The following ITGA11 variants were observed in gnomAD, a reference collection of about 807,000 sequenced individuals.
The protein encoded by ITGA11 is integrin subunit alpha 11.
A neutral mutation model predicts 141.9 loss-of-function variants in ITGA11; 97 were observed. The ratio of observed to expected loss-of-function variants is 0.68; its 90% CI spans 0.58 to 0.81. The LOEUF is 0.81. Ranked by LOEUF, ITGA11 falls within the 30% of genes least tolerant of loss-of-function variation. ITGA11 has a pLI of 0.00. For synonymous variants in ITGA11, 658 were observed against 624.6 expected (o/e 1.05, Z -0.80); for missense variants, 1,387 against 1,559.2 (o/e 0.89, Z 1.86).
intron 10 of ITGA11, among the ~76,000 whole-genome samples, chr15:68,347,985 C>T (rs1314474395): frequency 6.6e-6 from 1 of 152,182 alleles, no homozygotes; most frequent in Non-Finnish European, 1.5e-5. Flanking sequence ...CTGTGCAAAG[C>T]ACACCCACAG....
At chr15:68,380,590 T>G (rs1487507711) in intron 2 of ITGA11, among the ~76,000 whole-genome samples, 2 of 152,166 alleles carry the variant, frequency 1.3e-5, no homozygotes, top group African/African-American at 4.8e-5. Flanking sequence ...CTCTGCTGTC[T>G]GGGGAGCCTT....
Position 68,320,230 on chromosome 15 carries a change from A to G in ITGA11, c.2571T>C (p.Asn857=). 6.2e-7 allele frequency: 1 copy of G among 1,614,036 alleles called. No individual in the cohort carries two copies. The highest frequency in any genetic ancestry group is 8.5e-7 in the Non-Finnish European group (1 of 1,179,908). ...RGENAYSTVL[N]ISQSANLQFA... is the part of the protein sequence containing the mutation. ...ACTGCAGGTTTGCTGACTGCGAGAT[A>G]TTTAGGACCGTGCTGTAGGCGTTCT... The change falls in exon 20 of 30, where the codon AAT becomes AAC. Residue 857 remains asparagine, a synonymous_variant. Transcript: ENST00000315757.
At chr15:68,419,620 G>A (rs1422660849) in intron 1 of ITGA11, among the ~76,000 whole-genome samples, 2 of 152,242 alleles carry the variant, frequency 1.3e-5, no homozygotes, top group African/African-American at 4.8e-5. Flanking sequence ...TCAGGATTGA[G>A]GTTCTGGCTC....
At chr15:68,364,642 G>A (rs1895357299) in intron 4 of ITGA11, 65 bp downstream of exon 4, 3 of 956,108 alleles carry the variant, frequency 3.1e-6, no homozygotes, top group African/African-American at 1.6e-5. Flanking sequence ...GTAAGGAGAC[G>A]CTCCACCCCT....
Position 68,351,259 on chromosome 15 carries a change from G to A in ITGA11, c.893C>T (p.Ala298Val), listed in dbSNP as rs779587474. The change falls in exon 8 of 30, where the codon GCC (alanine) becomes GTC (valine). Residue 298 changes from alanine to valine, a missense_variant and splice_region_variant. Physicochemically the swap from Ala to Val is moderately conservative, Grantham distance 64. Transcript: ENST00000315757. The stretch of plus-strand genomic sequence containing the variant: ...GCCCTTGGGCGGGCCAGGACTTACG[G>A]CCACCGCATATCTTGTTACGTTGTC... ...ERDNVTRYAV[A>V]VLGYYNRRGI... 1.2e-6 allele frequency: 2 copies of A among 1,613,742 alleles called. No individual in the cohort carries two copies. Among genetic ancestry groups the A allele is most frequent in the Non-Finnish European group, 8.5e-7 (1 of 1,179,856 alleles).
In ITGA11 at chr15:68,397,765, T is replaced by TTATATTTAAAA. The variant is rs1397289942; in HGVS notation, c.164+5142_164+5152dup. Among the ~76,000 whole-genome samples, 21 of 52,020 alleles carry TTATATTTAAAA rather than the reference T, an allele frequency of 4.0e-4. 1 individual carries two copies. The highest frequency in any genetic ancestry group is 1.4e-3 in the South Asian group (2 of 1,466). 34.1% of individuals were successfully genotyped at this position (52,020 alleles called of 152,430 possible). A position where few individuals can be genotyped will look rare whatever the true frequency, so the allele number is the denominator to read the frequency against. On this transcript the variant is annotated intron_variant, in intron 2 of 29. Transcript: ENST00000315757. Reference sequence around the variant, plus strand: ...TATTTAAAATATTATATTTAAAATATTATATTTAAAATATATTTAAAATAA... The same window carrying TTATATTTAAAA: ...TATTTAAAATATTATATTTAAAATATTATATTTAAAATATATTTAAAATATATTTAAAATAA...
intron 11 of ITGA11, among the ~76,000 whole-genome samples, chr15:68,336,527 G>A (rs1011382542): frequency 9.2e-5 from 14 of 152,124 alleles, no homozygotes; most frequent in Admixed American, 8.5e-4. Context: ...CCCCGCTCCC[G>A]GTATGGCTGT....
chr15:68,366,717 G>A (rs996353921), intron 3 of ITGA11, among the ~76,000 whole-genome samples: 5 of 152,066 alleles, frequency 3.3e-5, no homozygotes, highest in Admixed American at 1.3e-4. Flanking sequence ...AGAGACTCAC[G>A]CCTTCCTCAG....
Position 68,326,843 on chromosome 15 carries a change from CA to C in ITGA11, c.2069-48del. On this transcript the variant is annotated intron_variant, in intron 16 of 29. Transcript: ENST00000315757. This position sits in a 1 kb window ranked among gnomAD's most constrained non-coding sequence, Gnocchi z 6.8. ...GACCACAAAGGTGGAGCCACATGCC[CA>C]TCCAAGACTGTCTGCCTCCTCCAGG... The C allele has an allele frequency of 6.5e-7, 1 of 1,534,692 alleles. No individual in the cohort carries two copies. Among genetic ancestry groups the C allele is most frequent in the Non-Finnish European group, 8.8e-7 (1 of 1,136,614 alleles).
intron 1 of ITGA11, among the ~76,000 whole-genome samples, chr15:68,408,309 C>T (rs1387926281): frequency 6.6e-6 from 1 of 152,174 alleles, no homozygotes; most frequent in Non-Finnish European, 1.5e-5. Context: ...CTCATCACCC[C>T]TGTGCCTTAC....
intron 15 of ITGA11, among the ~76,000 whole-genome samples, chr15:68,329,575 G>T (rs1372193046): frequency 6.6e-6 from 1 of 152,178 alleles, no homozygotes; most frequent in Non-Finnish European, 1.5e-5. Flanking sequence ...TTCTCTTGAG[G>T]GGTGTGTGTG....
intron 7 of ITGA11, among the ~76,000 whole-genome samples, chr15:68,356,257 G>A (rs1036296848): frequency 2.6e-5 from 4 of 151,156 alleles, no homozygotes; most frequent in Middle Eastern, 3.4e-3. Flanking sequence ...CGCCATGCCC[G>A]GCTAATTTGT....
rs908753033 is a variant in ITGA11, at chr15:68,432,025, G to A, written c.42C>T (p.Ser14=). ...AGGGTGGGCACCTACCTGGCCACAG[G>A]CTGAGCGCCCAGGCCACCACCAGGC... ...PRGLVVAWAL[S]LWPGFTDTFN... Residue 14 remains serine, a synonymous_variant, in exon 1 of 30, where the codon AGC becomes AGT. Transcript: ENST00000315757. 9.0e-6 allele frequency: 12 copies of A among 1,337,844 alleles called. No individual in the cohort carries two copies. The highest frequency in any genetic ancestry group is 1.2e-5 in the Non-Finnish European group (12 of 1,041,920). 82.9% of individuals were successfully genotyped at this position (1,337,844 alleles called of 1,614,324 possible).
At position 68,369,224 on chromosome 15, in the gene ITGA11, C is replaced by T. The variant is rs766413684; in HGVS notation, c.225G>A (p.Lys75=). 3.1e-6 allele frequency: 5 copies of T among 1,613,876 alleles called. No individual in the cohort carries two copies. Among genetic ancestry groups the T allele is most frequent in the South Asian group, 2.2e-5 (2 of 91,090 alleles). The change falls in exon 3 of 30, where the codon AAG becomes AAA. Residue 75 remains lysine (K), a synonymous_variant. Transcript: ENST00000315757. ...TGCAGTTCCCGTGGATCACTGGACA[C>T]TTGTACACGTCTCCCGTCTTCTGGT... ...NGYQKTGDVY[K]CPVIHGNCTK...
intron 2 of ITGA11, among the ~76,000 whole-genome samples, chr15:68,381,293 A>T (rs954843824): frequency 6.6e-6 from 1 of 152,118 alleles, no homozygotes; most frequent in Admixed American, 6.5e-5. Context: ...AGCTTTGGGA[A>T]CCCCTGGATT....
Position 68,311,029 on chromosome 15 carries a change from G to A in ITGA11, c.3139C>T (p.Pro1047Ser). 6.2e-7 allele frequency: 1 copy of A among 1,606,962 alleles called. No homozygotes were observed. Among genetic ancestry groups the A allele is most frequent in the Non-Finnish European group, 8.5e-7 (1 of 1,176,672 alleles). ...GCACGACGCAAGTCTTCCTCCACTG[G>A]GGTGGGCCGGTACTCAGTGCTATTG... is the stretch of plus-strand genomic sequence containing the variant. ...WGNSTEYRPT[P>S]VEEDLRRAPQ... The change falls in exon 26 of 30, where the codon CCA becomes TCA. Residue 1047 changes from proline to serine, a missense_variant. Physicochemically the swap from Pro to Ser is moderately conservative, Grantham distance 74 (BLOSUM62 -1). Coordinates refer to ENST00000315757, the MANE Select transcript of ITGA11 (RefSeq NM_001004439.2).
chr15:68,413,791 AC>A (rs1896829723), intron 1 of ITGA11, among the ~76,000 whole-genome samples: 1 of 152,242 alleles, frequency 6.6e-6, no homozygotes. Flanking sequence ...AGAATTGGAA[AC>A]CAGGCAGTGT....
rs144896637 is a variant in ITGA11, at chr15:68,370,192, C to T, written c.165-908G>A. ...AATGCGTTTCTGTTGTTTTAAGCCA[C>T]GCAGGTTGTGATCATCTGTTATGGC... On this transcript the variant is annotated intron_variant, in intron 2 of 29. Coordinates refer to ENST00000315757, the MANE Select transcript of ITGA11 (RefSeq NM_001004439.2). 1.2e-3 allele frequency among the ~76,000 whole-genome samples: 187 copies of T among 152,286 alleles called. 1 individual carries two copies. In the East Asian group the frequency reaches 0.02, roughly 16 times the overall value.
intron 21 of ITGA11, 50 bp downstream of exon 21, chr15:68,317,215 G>T (rs778777930): frequency 1.5e-6 from 2 of 1,313,148 alleles, no homozygotes; most frequent in East Asian, 2.3e-5. Context: ...AACTACCTGT[G>T]CCTCCCAGTG....
Sources: allele counts gnomAD v4.1 joint callset (sites outside exome capture counted in the v4.1 genomes callset), GRCh38; gene constraint gnomAD v4.1.1; non-coding constraint Gnocchi (gnomAD v3.1); transcripts MANE v1.5; gene names NCBI Gene and HGNC (gene_info 2026-07-23, HGNC 2026-07-21).